KIF26B: variants seen among roughly 807,000 people sequenced by gnomAD.
KIF26B encodes the protein kinesin-like protein KIF26B.
KIF26B carries 63 observed loss-of-function variants against 151.2 expected under a neutral mutation model. The observed-to-expected ratio is 0.42, with a 90% CI of 0.34 to 0.51. The LOEUF (loss-of-function observed/expected upper bound fraction) is 0.51. Among genes scored for constraint, KIF26B ranks in the 20% least tolerant of loss-of-function variants. The probability of loss-of-function intolerance (pLI) is 0.07; values close to 1 mark genes in which losing one functional copy is unlikely to be tolerated. For synonymous variants in KIF26B, 1,357 were observed against 1,262.1 expected (o/e 1.08, Z -1.59); for missense variants, 2,813 against 2,913.6 (o/e 0.97, Z 0.79).
At chr1:245,315,010 G>A (rs911514540) in intron 2 of KIF26B, among the ~76,000 whole-genome samples, 7 of 151,812 alleles carry the variant, frequency 4.6e-5, no homozygotes, top group African/African-American at 1.7e-4. Flanking sequence ...GAGAAACCCC[G>A]TCTCTACTAA....
At chr1:245,432,029 A>AC (rs1201303670) in intron 4 of KIF26B, among the ~76,000 whole-genome samples, 1 of 151,316 alleles carries the variant, frequency 6.6e-6, no homozygotes, top group African/African-American at 2.4e-5. Context: ...GCTTAACCAG[A>AC]CCTTCCTTCA....
At chr1:245,680,733 T>C (rs1239171022) in intron 10 of KIF26B, among the ~76,000 whole-genome samples, 1 of 152,196 alleles carries the variant, frequency 6.6e-6, no homozygotes, top group Admixed American at 6.5e-5. Flanking sequence ...CTCACTGAAA[T>C]GCATTTGTAA....
At chr1:245,555,043 AAC>A (rs1373619887) in intron 5 of KIF26B, among the ~76,000 whole-genome samples, 1 of 152,218 alleles carries the variant, frequency 6.6e-6, no homozygotes, top group East Asian at 1.9e-4. Flanking sequence ...CATTGGAGGC[AAC>A]ACCTGGGCGT....
chr1:245,228,285 G>A (rs377207988), intron 2 of KIF26B, among the ~76,000 whole-genome samples: 21 of 152,286 alleles, frequency 1.4e-4, no homozygotes, highest in African/African-American at 4.8e-4. Context: ...CTAGATGTTT[G>A]CATGCAAGGG....
At chr1:245,694,469 G>C (rs549838559) in intron 12 of KIF26B, among the ~76,000 whole-genome samples, 4 of 152,216 alleles carry the variant, frequency 2.6e-5, no homozygotes, top group African/African-American at 4.8e-5. Flanking sequence ...TATTCCCCAG[G>C]GGGAGCTGAG....
At chr1:245,509,434 T>C (rs1229241928) in intron 4 of KIF26B, among the ~76,000 whole-genome samples, 1 of 152,152 alleles carries the variant, frequency 6.6e-6, no homozygotes, top group Non-Finnish European at 1.5e-5. Flanking sequence ...TAGTGATTCT[T>C]CTCCCTCCTC....
rs2043390696 is a variant in KIF26B, at chr1:245,601,041, G to T, written c.1351-1536G>T. 6.6e-6 allele frequency among the ~76,000 whole-genome samples: 1 copy of T among 152,178 alleles called. No individual in the cohort carries two copies. The highest frequency in any genetic ancestry group is 1.5e-5 in the Non-Finnish European group (1 of 68,042). On this transcript the variant is annotated intron_variant, in intron 5 of 14. Transcript: ENST00000407071. The surrounding 1 kb of genome is among the most constrained non-coding windows in gnomAD (Gnocchi z 4.4). ...AGGCATACCTACACCCTGGAGCATTGGGAGGATTAAATGAGATCGTGTAGA... is the reference window on the plus strand; with the variant it reads ...AGGCATACCTACACCCTGGAGCATTTGGAGGATTAAATGAGATCGTGTAGA...
At chr1:245,196,492 C>T (rs1198751866) in intron 2 of KIF26B, among the ~76,000 whole-genome samples, 1 of 152,162 alleles carries the variant, frequency 6.6e-6, no homozygotes, top group African/African-American at 2.4e-5. Context: ...TCAGACCTCT[C>T]GGTCTCCTCC....
chr1:245,405,766 T>A (rs953304426), intron 3 of KIF26B, among the ~76,000 whole-genome samples: 3 of 152,152 alleles, frequency 2.0e-5, no homozygotes, highest in Non-Finnish European at 2.9e-5. Flanking sequence ...CTGGAATAGA[T>A]CTAAGGGCTT....
chr1:245,590,716 C>T (rs528837618), intron 5 of KIF26B, among the ~76,000 whole-genome samples: 1 of 152,112 alleles, frequency 6.6e-6, no homozygotes, highest in South Asian at 2.1e-4. Flanking sequence ...AAGACCAGCC[C>T]GGACAACATA....
Position 245,156,387 on chromosome 1 carries a change from G to C in KIF26B, c.169G>C (p.Glu57Gln), listed in dbSNP as rs1277589130. 6.5e-7 allele frequency: 1 copy of C among 1,542,054 alleles called. No individual in the cohort carries two copies. ...GCGCGCCGGCAGCCGGCCCACTCCT[G>C]AGGGCGCGGGCTCAGCGCTCGGCTC... is the stretch of plus-strand genomic sequence containing the variant. ...ESRAGSRPTPEGAGSALGSSG... is the reference protein window; with the variant it reads ...ESRAGSRPTPQGAGSALGSSG... Residue 57 changes from glutamate to glutamine, a missense_variant, in exon 2 of 15, where the codon GAG (glutamate) becomes CAG (glutamine). Around this residue, in one of 3 missense-constraint regions of KIF26B, gnomAD observed 676 missense variants for 688.1 expected, o/e 0.98. Coordinates refer to ENST00000407071, the MANE Select transcript of KIF26B (RefSeq NM_018012.4).
chr1:245,625,040 C>T (rs2043708837), intron 9 of KIF26B, among the ~76,000 whole-genome samples: 1 of 152,082 alleles, frequency 6.6e-6, no homozygotes, highest in Non-Finnish European at 1.5e-5. Flanking sequence ...TATTTCTCTA[C>T]TAAATTACCT....
intron 2 of KIF26B, among the ~76,000 whole-genome samples, chr1:245,300,913 C>T (rs1476148913): frequency 6.6e-6 from 1 of 151,826 alleles, no homozygotes; most frequent in Admixed American, 6.6e-5. Context: ...TCACTGCAAC[C>T]TCTGCCTCCT....
At chr1:245,301,235 G>A (rs1671424400) in intron 2 of KIF26B, among the ~76,000 whole-genome samples, 3 of 152,210 alleles carry the variant, frequency 2.0e-5, no homozygotes, top group Admixed American at 2.0e-4. Flanking sequence ...GCCGCATGCA[G>A]GAGTGGAGGC....
rs1461105525 is a variant in KIF26B at position 245,590,689 on chromosome 1, C to G, written c.1351-11888C>G. Among the ~76,000 whole-genome samples the G allele has an allele frequency of 2.6e-5, 4 of 152,172 alleles. No homozygotes were observed. The South Asian group carries it at 6.2e-4, about 24-fold the overall frequency. On this transcript the variant is annotated intron_variant, in intron 5 of 14. Transcript: ENST00000407071. ...TTGGGAGTCCAAGGCAGGAGGATCA[C>G]TTGAGTCCAGGAGTTCAAGACCAGC...
rs1456421086 is a variant in KIF26B at position 245,307,890 on chromosome 1, G to A, written c.466-58944G>A. The stretch of plus-strand genomic sequence containing the variant: ...CAAGTAGCTGGGACTACAGGTGCCC[G>A]CCACCACGCCCGGCTAATTTTTTGT... On this transcript the variant is annotated intron_variant, in intron 2 of 14. Coordinates refer to ENST00000407071, the MANE Select transcript of KIF26B (RefSeq NM_018012.4). Among the ~76,000 whole-genome samples the A allele has an allele frequency of 7.9e-5, 12 of 152,180 alleles. No individual in the cohort carries two copies. The East Asian group carries it at 9.7e-4, about 12-fold the overall frequency.
chr1:245,612,052 C>T, intron 9 of KIF26B, 76 bp downstream of exon 9: 2 of 1,031,946 alleles, frequency 1.9e-6, no homozygotes, highest in Admixed American at 4.0e-5. Flanking sequence ...CAACCATGAC[C>T]TTTGTGTGTG....
In KIF26B at chr1:245,367,475, G is replaced by A. The variant is rs1242604553; in HGVS notation, c.999+108G>A. 9.4e-6 allele frequency: 10 copies of A among 1,066,286 alleles called. No homozygotes were observed. In the Admixed American group the frequency reaches 2.7e-4, roughly 28 times the overall value. The allele number at this position is 1,066,286 out of a possible 1,614,324, so 66.1% of individuals were successfully genotyped here. ...CCTCCCGGGAACCCTGTAACTCAGA[G>A]CCCAGTGTTTCCATGTGGCCCCCAC... On this transcript the variant is annotated intron_variant, in intron 3 of 14. Transcript: ENST00000407071. The surrounding 1 kb of genome is among the most constrained non-coding windows in gnomAD (Gnocchi z 4.2).
intron 2 of KIF26B, among the ~76,000 whole-genome samples, chr1:245,217,575 G>C (rs1180011053): frequency 1.3e-5 from 2 of 151,716 alleles, no homozygotes; most frequent in Non-Finnish European, 1.5e-5. Context: ...TTACCACATT[G>C]GCCAGGCTGG....
Sources: allele counts gnomAD v4.1 joint callset (sites outside exome capture counted in the v4.1 genomes callset), GRCh38; gene constraint gnomAD v4.1.1; regional missense constraint gnomAD v4.1.1; non-coding constraint Gnocchi (gnomAD v3.1); transcripts MANE v1.5; gene names NCBI Gene and HGNC (gene_info 2026-07-23, HGNC 2026-07-21).